TNFAIP3: variants seen among roughly 807,000 people sequenced by gnomAD.
TNFAIP3 encodes the protein TNF alpha induced protein 3.
TNFAIP3 carries 9 observed loss-of-function variants against 72.4 expected under a neutral mutation model. The observed-to-expected ratio is 0.12, with a 90% CI of 0.07 to 0.22. TNFAIP3 has a LOEUF of 0.22. TNFAIP3 is among the 10% of genes least tolerant of loss of function. TNFAIP3 has a pLI of 1.00. For missense variants in TNFAIP3, 833 were observed against 1,018.7 expected, an observed-to-expected ratio of 0.82 and a Z score of 2.48; for synonymous variants, 339 against 372.6, an observed-to-expected ratio of 0.91 and a Z score of 1.04.
intron 6 of TNFAIP3, 118 bp downstream of exon 6, chr6:137,877,374 CA>C (rs1776286911): frequency 1.3e-6 from 1 of 773,106 alleles, no homozygotes; most frequent in Admixed American, 3.3e-5. Context: ...CAGTTTCTGC[CA>C]ATGGGAAACA....
In TNFAIP3 at chr6:137,879,000, G is replaced by A. The variant is rs762149390; in HGVS notation, c.1555G>A (p.Gly519Arg). Residue 519 changes from glycine (G) to arginine (R), a missense_variant, in exon 7 of 9, where the codon GGG becomes AGG. By Grantham distance (125) the Gly-to-Arg change is moderately radical (BLOSUM62 -2). Around this residue, in one of 2 missense-constraint regions of TNFAIP3, gnomAD observed 587 missense variants for 657.8 expected, o/e 0.89. Transcript: ENST00000612899. Reference sequence around the variant, plus strand: ...AGACCACACAAGGCACTTGGATCCCGGGAAGTGCCAAGCCTGCCTCCAGGA... The same window carrying A: ...AGACCACACAAGGCACTTGGATCCCAGGAAGTGCCAAGCCTGCCTCCAGGA... ...APDHTRHLDP[G>R]KCQACLQDVT... 1.2e-6 allele frequency: 2 copies of A among 1,614,064 alleles called. No homozygotes were observed. The highest frequency in any genetic ancestry group is 1.7e-5 in the Admixed American group (1 of 60,014).
At chr6:137,870,616 G>T (rs1410354053) in intron 1 of TNFAIP3, among the ~76,000 whole-genome samples, 1 of 152,092 alleles carries the variant, frequency 6.6e-6, no homozygotes, top group Non-Finnish European at 1.5e-5. Flanking sequence ...CTTCTCTTTG[G>T]GGCTAAAGAG....
At chr6:137,869,528 G>T (rs886372217) in intron 1 of TNFAIP3, among the ~76,000 whole-genome samples, 2 of 152,174 alleles carry the variant, frequency 1.3e-5, no homozygotes, top group African/African-American at 4.8e-5. Context: ...AGCACCATCT[G>T]ATCCAGAGAA....
intron 2 of TNFAIP3, among the ~76,000 whole-genome samples, chr6:137,873,736 T>C (rs993801183): frequency 2.0e-5 from 3 of 152,198 alleles, no homozygotes; most frequent in Non-Finnish European, 4.4e-5. Context: ...GGCGATCTTT[T>C]TTGTTCATTT....
In TNFAIP3 at chr6:137,880,069, A is replaced by C. The variant is rs1218307301; in HGVS notation, c.1907-2A>C. 1.2e-6 allele frequency: 2 copies of C among 1,613,930 alleles called. No homozygotes were observed. The highest frequency in any genetic ancestry group is 3.3e-5 in the Admixed American group (2 of 60,004). On this transcript the variant is annotated splice_acceptor_variant, in intron 7 of 8. Coordinates refer to ENST00000612899, the MANE Select transcript of TNFAIP3 (RefSeq NM_001270508.2). LOFTEE classifies it high-confidence loss of function. ...TACTAACTAGCATCCATTCTCATGTAGATTTTGCTGCTGCCTCAGGGAAAG... is the reference window on the plus strand; with the variant it reads ...TACTAACTAGCATCCATTCTCATGTCGATTTTGCTGCTGCCTCAGGGAAAG...
At position 137,880,097 on chromosome 6, in the gene TNFAIP3, A is replaced by T. The variant is rs774006529; in HGVS notation, c.1933A>T (p.Ser645Cys). The change falls in exon 8 of 9, where the codon AGT becomes TGT. Residue 645 changes from serine to cysteine, a missense_variant. Ser to Cys is a moderately radical substitution (Grantham distance 112, BLOSUM62 -1). This residue lies in a region of TNFAIP3 where 587 missense variants were observed against 657.8 expected (regional missense o/e 0.89). Coordinates refer to ENST00000612899, the MANE Select transcript of TNFAIP3 (RefSeq NM_001270508.2). ...TTTTGCTGCTGCCTCAGGGAAAGTCAGTCCCACAGCGTCCAGGTTCCAGAA... is the reference window on the plus strand; with the variant it reads ...TTTTGCTGCTGCCTCAGGGAAAGTCTGTCCCACAGCGTCCAGGTTCCAGAA... ...KHFAAASGKV[S>C]PTASRFQNTI... 2.5e-6 allele frequency: 4 copies of T among 1,614,192 alleles called. No homozygotes were observed. The highest frequency in any genetic ancestry group is 3.4e-6 in the Non-Finnish European group (4 of 1,180,028).
At chr6:137,869,149 C>T (rs1400282537) in intron 1 of TNFAIP3, among the ~76,000 whole-genome samples, 1 of 152,220 alleles carries the variant, frequency 6.6e-6, no homozygotes, top group Non-Finnish European at 1.5e-5. Context: ...AACTTTGCCC[C>T]TGAATGGCTG....
Position 137,881,523 on chromosome 6 carries a change from A to G in TNFAIP3, c.*204A>G. 2.1e-6 allele frequency: 1 copy of G among 482,782 alleles called. No individual in the cohort carries two copies. Among genetic ancestry groups the G allele is most frequent in the Non-Finnish European group, 3.6e-6 (1 of 275,658 alleles). 29.9% of individuals were successfully genotyped at this position (482,782 alleles called of 1,614,324 possible). On this transcript the variant is annotated 3_prime_UTR_variant, in exon 9 of 9. Coordinates refer to ENST00000612899, the MANE Select transcript of TNFAIP3 (RefSeq NM_001270508.2). The surrounding 1 kb of genome is among the most constrained non-coding windows in gnomAD (Gnocchi z 5.0). ...TGTTCCCAGGTGGCCTTAGAAAGCA[A>G]AGCTTGTAACTGGCAAGGGATGATG...
rs376474292 is a variant in TNFAIP3, at chr6:137,876,724, A to G, written c.806-352A>G. On this transcript the variant is annotated intron_variant, in intron 5 of 8. Transcript: ENST00000612899. ...GTAGGCCTTGGTAGCCTTATTTTACATATTAGACAGTTAAAGCTCAGAGAG... is the reference window on the plus strand; with the variant it reads ...GTAGGCCTTGGTAGCCTTATTTTACGTATTAGACAGTTAAAGCTCAGAGAG... Among the ~76,000 whole-genome samples, 25 of 152,338 alleles carry G rather than the reference A, an allele frequency of 1.6e-4. No homozygotes were observed. The East Asian group carries it at 4.4e-3, about 27-fold the overall frequency.
Position 137,876,155 on chromosome 6 carries a change from A to G in TNFAIP3, c.794A>G (p.Asp265Gly). The G allele has an allele frequency of 6.2e-7, 1 of 1,611,648 alleles. No individual in the cohort carries two copies. Among genetic ancestry groups the G allele is most frequent in the Non-Finnish European group, 8.5e-7 (1 of 1,179,206 alleles). ...HHFVPLVTLK[D>G]SGPEIRAVPL... is the part of the protein sequence containing the mutation. ...TTTGTACCCTTGGTGACCCTGAAGGACAGTGGGCCTGGTGAGAAAACTGCA... is the reference window on the plus strand; with the variant it reads ...TTTGTACCCTTGGTGACCCTGAAGGGCAGTGGGCCTGGTGAGAAAACTGCA... The change falls in exon 5 of 9, where the codon GAC becomes GGC. Residue 265 changes from aspartate to glycine, a missense_variant. Asp to Gly is a moderately conservative substitution (Grantham distance 94). Coordinates refer to ENST00000612899, the MANE Select transcript of TNFAIP3 (RefSeq NM_001270508.2).
Position 137,883,192 on chromosome 6 carries a change from T to G in TNFAIP3, c.*1873T>G. On this transcript the variant is annotated 3_prime_UTR_variant, in exon 9 of 9. Coordinates refer to ENST00000612899, the MANE Select transcript of TNFAIP3 (RefSeq NM_001270508.2). ...ACTTATTATAAAAAGTATTTGAAAT[T>G]TGCACATTTAATTGTCCCTAATAGA... 1 of 200,728 alleles carries G rather than the reference T, an allele frequency of 5.0e-6. No individual in the cohort carries two copies. Among genetic ancestry groups the G allele is most frequent in the East Asian group, 8.1e-5 (1 of 12,362 alleles). 12.4% of individuals were successfully genotyped at this position (200,728 alleles called of 1,614,324 possible). A position where few individuals can be genotyped will look rare whatever the true frequency, so the allele number is the denominator to read the frequency against.
At position 137,881,406 on chromosome 6, in the gene TNFAIP3, C is replaced by T; in HGVS notation, c.*87C>T. On this transcript the variant is annotated 3_prime_UTR_variant, in exon 9 of 9. Transcript: ENST00000612899. The surrounding 1 kb of genome is among the most constrained non-coding windows in gnomAD (Gnocchi z 5.0). ...GCTATCCTCTGAACCCCTCAGCTGC[C>T]ACTGCAACAGTGGGCTTAAGGGTGT... 8.1e-7 allele frequency: 1 copy of T among 1,236,764 alleles called. No homozygotes were observed. The highest frequency in any genetic ancestry group is 1.5e-5 in the South Asian group (1 of 67,566). 76.6% of individuals were successfully genotyped at this position (1,236,764 alleles called of 1,614,324 possible).
At chr6:137,876,393 C>A in intron 5 of TNFAIP3, 1 of 467,504 alleles carries the variant, frequency 2.1e-6, no homozygotes. Flanking sequence ...TAAATTAAGG[C>A]GCACAGTGCT....
upstream of TNFAIP3, among the ~76,000 whole-genome samples, chr6:137,866,377 T>C (rs1475179621): frequency 6.6e-6 from 1 of 152,000 alleles, no homozygotes; most frequent in African/African-American, 2.4e-5. Context: ...CACCCTGGGG[T>C]GAACTGATTA....
intron 1 of TNFAIP3, among the ~76,000 whole-genome samples, chr6:137,869,925 G>A (rs1776001662): frequency 6.6e-6 from 1 of 152,192 alleles, no homozygotes; most frequent in Admixed American, 6.5e-5. Context: ...CTAAGGGCTA[G>A]TAAATCACAG....
chr6:137,879,108 C>G lies in TNFAIP3; in HGVS notation c.1663C>G (p.Leu555Val), dbSNP rs755791613. 1 of 1,614,178 alleles carries G rather than the reference C, an allele frequency of 6.2e-7. No homozygotes were observed. The highest frequency in any genetic ancestry group is 2.2e-5 in the East Asian group (1 of 44,876). The stretch of plus-strand genomic sequence containing the variant: ...GGCCTCCTCCAGCCTCAGCACCAGC[C>G]TCCCTCCTTCCTGTCACCAGCGTTC... The part of the protein sequence containing the change: ...AEASSSLSTS[L>V]PPSCHQRSKS... Residue 555 changes from leucine (L) to valine (V), a missense_variant, in exon 7 of 9, where the codon CTC (leucine) becomes GTC (valine). Leu to Val is a conservative substitution (Grantham distance 32). Transcript: ENST00000612899.
intron 8 of TNFAIP3, 43 bp from the exon 9 acceptor site, chr6:137,880,992 A>G (rs762169126): frequency 5.2e-6 from 8 of 1,543,820 alleles, no homozygotes; most frequent in East Asian, 2.3e-5. Context: ...TGTGAGCAAT[A>G]GTTTCCTGAC....
chr6:137,881,354 G>C lies in TNFAIP3; in HGVS notation c.*35G>C. On this transcript the variant is annotated 3_prime_UTR_variant, in exon 9 of 9. Transcript: ENST00000612899. This position sits in a 1 kb window ranked among gnomAD's most constrained non-coding sequence, Gnocchi z 5.0. ...GGTGGGTCACCTCCTGCAAGAAGTG[G>C]GGCCTCGAGCTGTCAGTCATCATGG... The C allele has an allele frequency of 1.3e-6, 2 of 1,519,682 alleles. No individual in the cohort carries two copies. The highest frequency in any genetic ancestry group is 1.8e-6 in the Non-Finnish European group (2 of 1,132,892). 94.1% of individuals were successfully genotyped at this position (1,519,682 alleles called of 1,614,324 possible).
At chr6:137,880,551 CTTCT>C (rs1776415248) in intron 8 of TNFAIP3, among the ~76,000 whole-genome samples, 1 of 152,202 alleles carries the variant, frequency 6.6e-6, no homozygotes, top group African/African-American at 2.4e-5. Context: ...TGATCAGAGG[CTTCT>C]TTGATTTGTA....
Sources: allele counts gnomAD v4.1 joint callset (sites outside exome capture counted in the v4.1 genomes callset), GRCh38; gene constraint gnomAD v4.1.1; regional missense constraint gnomAD v4.1.1; non-coding constraint Gnocchi (gnomAD v3.1); transcripts MANE v1.5; gene names NCBI Gene and HGNC (gene_info 2026-07-23, HGNC 2026-07-21).